PRDM5: variants seen among roughly 807,000 people sequenced by gnomAD.
PRDM5 encodes the protein PR/SET domain 5.
PRDM5 carries 56 observed loss-of-function variants against 81.2 expected under a neutral mutation model. The observed-to-expected ratio is 0.69, with a 90% confidence interval of 0.56 to 0.86. PRDM5 has a LOEUF of 0.86. Among genes scored for constraint, PRDM5 ranks in the 40% least tolerant of loss-of-function variants. The probability of loss-of-function intolerance (pLI) is 0.00; values close to 1 mark genes in which losing one functional copy is unlikely to be tolerated. For missense variants in PRDM5, 697 were observed against 770.1 expected (o/e 0.91, Z 1.12); for synonymous variants, 267 against 256.4 (o/e 1.04, Z -0.39).
intron 9 of PRDM5, among the ~76,000 whole-genome samples, chr4:120,798,691 T>C (rs1362396973): frequency 6.6e-6 from 1 of 152,188 alleles, no homozygotes; most frequent in Non-Finnish European, 1.5e-5. Flanking sequence ...GGACTCCTAT[T>C]TCCAGATGAA....
At chr4:120,736,585 G>T (rs780635540) in intron 14 of PRDM5, among the ~76,000 whole-genome samples, 4 of 152,098 alleles carry the variant, frequency 2.6e-5, no homozygotes, top group Non-Finnish European at 5.9e-5. Flanking sequence ...TTTATCATCT[G>T]CCCTCTGTGC....
intron 14 of PRDM5, among the ~76,000 whole-genome samples, chr4:120,747,216 T>C (rs542411938): frequency 4.1e-5 from 6 of 145,934 alleles, no homozygotes; most frequent in African/African-American, 1.5e-4. Flanking sequence ...TTCTCACTGA[T>C]AGGTGGGAAT....
At chr4:120,695,393 C>T (rs908274373) in intron 15 of PRDM5, 118 bp from the exon 16 acceptor site, 3 of 1,138,360 alleles carry the variant, frequency 2.6e-6, no homozygotes, top group South Asian at 2.7e-5. Context: ...TAATCGGTGT[C>T]CTTTGTACCC....
chr4:120,799,812 A>G (rs1751862559), intron 8 of PRDM5, 67 bp from the exon 9 acceptor site: 5 of 1,572,764 alleles, frequency 3.2e-6, no homozygotes, highest in Non-Finnish European at 4.3e-6. Flanking sequence ...GCTCTCAAGC[A>G]AAAGTGTAAA....
At chr4:120,691,601 C>T (rs539881117), downstream of PRDM5, among the ~76,000 whole-genome samples, 2 of 152,178 alleles carry the variant, frequency 1.3e-5, no homozygotes, top group South Asian at 4.2e-4. Context: ...AATCAGGTTT[C>T]ATTCATTCTT....
intron 1 of PRDM5, among the ~76,000 whole-genome samples, chr4:120,911,567 T>C (rs1444883920): frequency 6.6e-6 from 1 of 152,228 alleles, no homozygotes; most frequent in Non-Finnish European, 1.5e-5. Flanking sequence ...ATGTGGGCCA[T>C]TTTCTCTCAT....
At chr4:120,709,415 G>A (rs1736634885) in intron 15 of PRDM5, among the ~76,000 whole-genome samples, 1 of 152,130 alleles carries the variant, frequency 6.6e-6, no homozygotes, top group Non-Finnish European at 1.5e-5. Flanking sequence ...ATTTTTATGA[G>A]TATGCCCACT....
intron 2 of PRDM5, among the ~76,000 whole-genome samples, chr4:120,860,004 A>C (rs1760386174): frequency 6.6e-6 from 1 of 152,218 alleles, no homozygotes; most frequent in Non-Finnish European, 1.5e-5. Flanking sequence ...TTTCTATTGA[A>C]GCAGCTTAAA....
intron 12 of PRDM5, among the ~76,000 whole-genome samples, chr4:120,780,587 G>T (rs980473335): frequency 4.6e-5 from 7 of 152,082 alleles, no homozygotes; most frequent in Non-Finnish European, 8.8e-5. Context: ...GACCCAAGTA[G>T]CATAAGACAC....
In PRDM5 at chr4:120,692,561, T is replaced by C. The variant is rs929605340; in HGVS notation, c.*2550A>G. 6.6e-6 allele frequency: 1 copy of C among 152,084 alleles called. No individual in the cohort carries two copies. The highest frequency in any genetic ancestry group is 2.4e-5 in the African/African-American group (1 of 41,432). 9.4% of individuals were successfully genotyped at this position (152,084 alleles called of 1,614,324 possible). ...TTGTGAAACAAAGGCAAATTAAAGA[T>C]ACACAAACATCTTGAGTGTTAATAT... On this transcript the variant is annotated 3_prime_UTR_variant, in exon 16 of 16. Coordinates refer to ENST00000264808, the MANE Select transcript of PRDM5 (RefSeq NM_018699.4).
rs764973590 is a variant in PRDM5 at position 120,777,215 on chromosome 4, G to T, written c.1510C>A (p.Leu504Ile). The T allele has an allele frequency of 8.1e-6, 13 of 1,613,372 alleles. No individual in the cohort carries two copies. The East Asian group carries it at 2.7e-4, about 33-fold the overall frequency. Residue 504 changes from leucine (L) to isoleucine (I), a missense_variant, in exon 13 of 16, where the codon CTC becomes ATC. This residue lies in a region of PRDM5 where 86 missense variants were observed against 135.2 expected (regional missense o/e 0.64). Transcript: ENST00000264808. ...CGQKFASSGTLRVHIRSHTGE... is the reference protein window; with the variant it reads ...CGQKFASSGTIRVHIRSHTGE... Reference sequence around the variant, plus strand: ...GTGTGGCTCCGGATATGAACTCTGAGTGTACCACTGCTGGCAAATTTCTGG... The same window carrying T: ...GTGTGGCTCCGGATATGAACTCTGATTGTACCACTGCTGGCAAATTTCTGG...
At chr4:120,701,781 G>A (rs967940412) in intron 15 of PRDM5, among the ~76,000 whole-genome samples, 3 of 151,870 alleles carry the variant, frequency 2.0e-5, no homozygotes, top group African/African-American at 7.3e-5. Flanking sequence ...ATATACCCAT[G>A]TACAACAAAC....
intron 14 of PRDM5, among the ~76,000 whole-genome samples, chr4:120,723,582 T>A (rs962551788): frequency 6.6e-6 from 1 of 151,728 alleles, no homozygotes; most frequent in Non-Finnish European, 1.5e-5. Flanking sequence ...GAAAAATCAA[T>A]GCAAATTGTA....
intron 3 of PRDM5, among the ~76,000 whole-genome samples, chr4:120,840,606 C>G (rs975156969): frequency 1.3e-5 from 2 of 152,146 alleles, no homozygotes; most frequent in African/African-American, 2.4e-5. Context: ...GCCCCTTCCC[C>G]CCATGGGCAA....
intron 1 of PRDM5, among the ~76,000 whole-genome samples, chr4:120,913,022 C>A (rs78662922): frequency 6.6e-6 from 1 of 152,172 alleles, no homozygotes; most frequent in Non-Finnish European, 1.5e-5. Flanking sequence ...AATCTTCCTT[C>A]CCCACTGTAG....
In PRDM5 at chr4:120,816,602, G is replaced by A. The variant is rs752001128; in HGVS notation, c.744-28C>T. The A allele has an allele frequency of 6.2e-6, 10 of 1,613,774 alleles. No homozygotes were observed. In the Middle Eastern group the frequency reaches 8.3e-4, roughly 133 times the overall value. On this transcript the variant is annotated intron_variant, in intron 6 of 15. Transcript: ENST00000264808. Reference sequence around the variant, plus strand: ...ACAAGACAACCAGCAAAGCGGAACAGGAAGAAATGGTGAAGACATACCTAC... The same window carrying A: ...ACAAGACAACCAGCAAAGCGGAACAAGAAGAAATGGTGAAGACATACCTAC...
At chr4:120,859,855 C>T (rs1342067985) in intron 2 of PRDM5, among the ~76,000 whole-genome samples, 1 of 152,146 alleles carries the variant, frequency 6.6e-6, no homozygotes, top group Non-Finnish European at 1.5e-5. Context: ...CAAATAACTC[C>T]TTCCTTTTTG....
chr4:120,835,994 G>A (rs943582256), intron 3 of PRDM5, among the ~76,000 whole-genome samples: 2 of 152,116 alleles, frequency 1.3e-5, no homozygotes, highest in African/African-American at 4.8e-5. Context: ...TGACCTGAGA[G>A]AGAACAAACA....
At chr4:120,799,922 A>C (rs955188424) in intron 8 of PRDM5, among the ~76,000 whole-genome samples, 177 bp from the exon 9 acceptor site, 4 of 152,202 alleles carry the variant, frequency 2.6e-5, no homozygotes, top group African/African-American at 9.6e-5. Context: ...AGTGGACATA[A>C]GTTATGTAGT....
Sources: allele counts gnomAD v4.1 joint callset (sites outside exome capture counted in the v4.1 genomes callset), GRCh38; gene constraint gnomAD v4.1.1; regional missense constraint gnomAD v4.1.1; transcripts MANE v1.5; gene names NCBI Gene and HGNC (gene_info 2026-07-23, HGNC 2026-07-21).